PLEKHD1: variants seen among roughly 807,000 people sequenced by gnomAD.
The protein encoded by PLEKHD1 is pleckstrin homology and coiled-coil domain containing D1.
A neutral mutation model predicts 69.2 loss-of-function variants in PLEKHD1; 51 were observed. That is an observed-to-expected ratio of 0.74 (90% CI 0.59 to 0.93). The LOEUF is 0.93. PLEKHD1 is among the 40% of genes least tolerant of loss of function. The pLI, the probability that PLEKHD1 is intolerant of heterozygous loss-of-function variation, is 0.00. For synonymous variants in PLEKHD1, 236 were observed against 244.7 expected, an observed-to-expected ratio of 0.96 and a Z score of 0.33; for missense variants, 584 against 641.0, an observed-to-expected ratio of 0.91 and a Z score of 0.96.
At chr14:69,516,295 A>T (rs913265103) in intron 6 of PLEKHD1, among the ~76,000 whole-genome samples, 1 of 152,194 alleles carries the variant, frequency 6.6e-6, no homozygotes, top group Non-Finnish European at 1.5e-5. Context: ...ATGAATAAGA[A>T]AATAAAATTT....
At chr14:69,478,145 A>C in the PLEKHD1 span, among the ~76,000 whole-genome samples, 3 of 152,238 alleles carry the variant, frequency 2.0e-5, no homozygotes, top group Admixed American at 2.0e-4. Flanking sequence ...CACCATGTGG[A>C]AGTTGCCAAG....
chr14:69,484,887 C>T lies in PLEKHD1; in HGVS notation c.-79C>T. 6.7e-7 allele frequency: 1 copy of T among 1,486,168 alleles called. No individual in the cohort carries two copies. The highest frequency in any genetic ancestry group is 9.1e-7 in the Non-Finnish European group (1 of 1,104,970). The allele number at this position is 1,486,168 out of a possible 1,614,324, so 92.1% of individuals were successfully genotyped here. On this transcript the variant is annotated 5_prime_UTR_variant, in exon 1 of 13. Transcript: ENST00000322564. ...TCGCTGGGACGCTCTCCGACGGCTC[C>T]GCCCTCGCCTCTCGCCCCGAGTCCC... is the stretch of plus-strand genomic sequence containing the variant.
chr14:69,522,773 C>T (rs1013968766), intron 7 of PLEKHD1, among the ~76,000 whole-genome samples: 1 of 152,020 alleles, frequency 6.6e-6, no homozygotes, highest in Non-Finnish European at 1.5e-5. Context: ...GGGAATGTGT[C>T]ATTTGAGAAC....
intron 9 of PLEKHD1, among the ~76,000 whole-genome samples, 164 bp downstream of exon 9, chr14:69,526,286 G>T (rs971762904): frequency 1.1e-4 from 17 of 152,320 alleles, no homozygotes; most frequent in Middle Eastern, 3.4e-3. Flanking sequence ...AGTGGGAAGA[G>T]AACTTTCACT....
intron 1 of PLEKHD1, among the ~76,000 whole-genome samples, chr14:69,485,355 GAGTGGGAA>G (rs1882633493): frequency 6.6e-6 from 1 of 152,230 alleles, no homozygotes; most frequent in Admixed American, 6.5e-5. Flanking sequence ...CCTGACCCTC[GAGTGGGAA>G]TGTTGGGTGT....
At chr14:69,495,186 G>A (rs560027979) in intron 1 of PLEKHD1, among the ~76,000 whole-genome samples, 18 of 152,260 alleles carry the variant, frequency 1.2e-4, no homozygotes, top group African/African-American at 4.3e-4. Flanking sequence ...GGAGAAGAAG[G>A]GATATGACAT....
Position 69,489,375 on chromosome 14 carries a change from A to G in PLEKHD1, c.149+4261A>G, listed in dbSNP as rs913526050. On this transcript the variant is annotated intron_variant, in intron 1 of 12. Coordinates refer to ENST00000322564, the MANE Select transcript of PLEKHD1 (RefSeq NM_001161498.2). The stretch of plus-strand genomic sequence containing the variant: ...GGAGTTGGAGACCAGCCTGGCCAAC[A>G]TGGCAAAACCCTGTCTCTACTAAAA... Among the ~76,000 whole-genome samples the G allele has an allele frequency of 7.2e-5, 11 of 152,182 alleles. No individual in the cohort carries two copies. The South Asian group carries it at 8.3e-4, about 11-fold the overall frequency.
chr14:69,496,309 G>A (rs1198255329), intron 1 of PLEKHD1, among the ~76,000 whole-genome samples: 1 of 152,146 alleles, frequency 6.6e-6, no homozygotes, highest in African/African-American at 2.4e-5. Flanking sequence ...GTATTTATTT[G>A]TTTCAGTCAG....
intron 4 of PLEKHD1, chr14:69,501,381 T>C: frequency 3.2e-6 from 1 of 313,122 alleles, no homozygotes; most frequent in Non-Finnish European, 6.0e-6. Context: ...TGCTTTTAGT[T>C]CCAAAAACAC....
the PLEKHD1 span, among the ~76,000 whole-genome samples, chr14:69,472,860 G>C: frequency 6.6e-6 from 1 of 152,164 alleles, no homozygotes; most frequent in Non-Finnish European, 1.5e-5. Flanking sequence ...CAGGAGGTGA[G>C]CGGCAGGTGA....
intron 1 of PLEKHD1, among the ~76,000 whole-genome samples, chr14:69,496,708 T>C (rs1882897032): frequency 6.7e-6 from 1 of 148,204 alleles, no homozygotes; most frequent in Non-Finnish European, 1.5e-5. Context: ...GCTAATTTTT[T>C]TTTTTTTTTT....
At chr14:69,524,461 T>C (rs922414776) in intron 8 of PLEKHD1, 139 bp downstream of exon 8, 2 of 721,894 alleles carry the variant, frequency 2.8e-6, no homozygotes, top group Non-Finnish European at 4.7e-6. Context: ...ATCTAAAGGG[T>C]CTCTTCTCTA....
At chr14:69,498,027 A>ATTTTG (rs1188522367) in intron 1 of PLEKHD1, among the ~76,000 whole-genome samples, 8 of 144,438 alleles carry the variant, frequency 5.5e-5, no homozygotes, top group Middle Eastern at 7.2e-3. Flanking sequence ...TTTCTATTTT[A>ATTTTG]TTTTGTTTTA....
Position 69,526,694 on chromosome 14 carries a change from C to G in PLEKHD1, c.924-3C>G, listed in dbSNP as rs1270956046. On this transcript the variant is annotated splice_polypyrimidine_tract_variant and splice_region_variant and intron_variant, in intron 9 of 12. Coordinates refer to ENST00000322564, the MANE Select transcript of PLEKHD1 (RefSeq NM_001161498.2). The stretch of plus-strand genomic sequence containing the variant: ...TGAGAAAGTGCCTCTTCTGTCCCTA[C>G]AGGATGAAGGAGAACGAGGAGCGCT... 1.3e-6 allele frequency: 2 copies of G among 1,516,968 alleles called. No individual in the cohort carries two copies. The highest frequency in any genetic ancestry group is 1.8e-6 in the Non-Finnish European group (2 of 1,129,692). 94.0% of individuals were successfully genotyped at this position (1,516,968 alleles called of 1,614,324 possible).
rs553855004 is a variant in PLEKHD1, at chr14:69,514,642, G to A, written c.556-7641G>A. 2.6e-5 allele frequency among the ~76,000 whole-genome samples: 4 copies of A among 151,144 alleles called. No individual in the cohort carries two copies. The East Asian group carries it at 7.7e-4, about 29-fold the overall frequency. ...CTAGTATGCCTTGTGATTTTTTGTT[G>A]AATGCCCTTTATTTTTTCCCTGGCC... is the stretch of plus-strand genomic sequence containing the variant. On this transcript the variant is annotated intron_variant, in intron 6 of 12. Coordinates refer to ENST00000322564, the MANE Select transcript of PLEKHD1 (RefSeq NM_001161498.2).
Position 69,485,114 on chromosome 14 carries a change from G to A in PLEKHD1, c.149G>A (p.Arg50Gln). Residue 50 changes from arginine to glutamine, a missense_variant and splice_region_variant, in exon 1 of 13, where the codon CGG becomes CAG. Transcript: ENST00000322564. ...FGRPSAKWSRRFFIIKESFLL... is the reference protein window; with the variant it reads ...FGRPSAKWSRQFFIIKESFLL... ...AGGCCGTCGGCCAAGTGGTCCCGGC[G>A]GTGAGTGCGCCCCCGCGCCCCAAGG... 1.3e-6 allele frequency: 2 copies of A among 1,549,340 alleles called. No individual in the cohort carries two copies. Among genetic ancestry groups the A allele is most frequent in the Non-Finnish European group, 1.7e-6 (2 of 1,146,110 alleles).
intron 7 of PLEKHD1, among the ~76,000 whole-genome samples, chr14:69,522,905 CATGTATATATGTATATAT>C (rs1883552276): frequency 6.6e-6 from 1 of 151,756 alleles, no homozygotes. Context: ...TATCTATATA[CATGTATATATGTATATAT>C]AAAAATGTTT....
chr14:69,474,518 G>A, the PLEKHD1 span, among the ~76,000 whole-genome samples: 1 of 152,186 alleles, frequency 6.6e-6, no homozygotes, highest in Admixed American at 6.5e-5. Flanking sequence ...GCCTTGAGAT[G>A]TCCACCTTTT....
At chr14:69,482,474 C>T (rs1882560126), upstream of PLEKHD1, among the ~76,000 whole-genome samples, 1 of 152,204 alleles carries the variant, frequency 6.6e-6, no homozygotes, top group Admixed American at 6.5e-5. Flanking sequence ...CTAAGAAGTG[C>T]TGCAGAAGCT....
Sources: gnomAD v4.1 joint callset for allele counts (sites outside exome capture counted in the v4.1 genomes callset) on GRCh38, gnomAD v4.1.1 for gene constraint, MANE v1.5 for transcripts, NCBI Gene and HGNC (gene_info 2026-07-23, HGNC 2026-07-21) for gene names.